The following CELF2 variants were observed in gnomAD, a reference collection of about 807,000 sequenced individuals.
CELF2 encodes the protein CUGBP Elav-like family member 2, also known as CUG triplet repeat RNA-binding protein 2.
In CELF2, 8 loss-of-function variants were observed where a neutral mutation model predicts 62.6. The observed-to-expected ratio is 0.13, with a 90% CI of 0.07 to 0.23. The LOEUF (loss-of-function observed/expected upper bound fraction) is 0.23, where lower values mean the gene tolerates loss of function less well. Among genes scored for constraint, CELF2 ranks in the 10% least tolerant of loss-of-function variants. The pLI, the probability that CELF2 is intolerant of heterozygous loss-of-function variation, is 1.00. For synonymous variants in CELF2, 258 were observed against 250.0 expected, an observed-to-expected ratio of 1.03 and a Z score of -0.30; for missense variants, 333 against 671.0, an observed-to-expected ratio of 0.50 and a Z score of 5.56.
chr10:10,614,700 C>T, the CELF2 span, among the ~76,000 whole-genome samples: 1 of 152,106 alleles, frequency 6.6e-6, no homozygotes, highest in African/African-American at 2.4e-5. Flanking sequence ...ATGTCACTGT[C>T]CTTGCCAGTT....
At chr10:10,507,667 G>A in the CELF2 span, among the ~76,000 whole-genome samples, 392 of 152,308 alleles carry the variant, frequency 2.6e-3, 2 homozygotes, top group Non-Finnish European at 4.7e-3. Context: ...GACCAGGATG[G>A]AAAGGAGAGG....
At chr10:10,748,886 G>C in the CELF2 span, among the ~76,000 whole-genome samples, 1 of 152,142 alleles carries the variant, frequency 6.6e-6, no homozygotes, top group African/African-American at 2.4e-5. Flanking sequence ...AACAGATGTG[G>C]GTGAATTGGA....
intron 1 of CELF2, among the ~76,000 whole-genome samples, chr10:10,831,359 C>T (rs578132882): frequency 3.3e-5 from 5 of 152,158 alleles, no homozygotes; most frequent in Admixed American, 1.3e-4. Flanking sequence ...ACAAGGTTTC[C>T]GAAGCCACGC....
chr10:11,218,202 G>A (rs954194178), intron 3 of CELF2, among the ~76,000 whole-genome samples: 4 of 152,176 alleles, frequency 2.6e-5, no homozygotes, highest in African/African-American at 9.7e-5. Context: ...TCCTGATGCT[G>A]TTTGAATGTT....
chr10:10,781,600 G>T, the CELF2 span, among the ~76,000 whole-genome samples: 1 of 152,202 alleles, frequency 6.6e-6, no homozygotes, highest in Non-Finnish European at 1.5e-5. Flanking sequence ...CTGCCTCCAT[G>T]ATTCAGTTAC....
At chr10:11,103,566 A>G (rs1378256917) in intron 1 of CELF2, among the ~76,000 whole-genome samples, 1 of 148,072 alleles carries the variant, frequency 6.8e-6, no homozygotes, top group African/African-American at 2.5e-5. Flanking sequence ...TCTCATATGC[A>G]AAGGGGGGAA....
At chr10:10,712,808 C>T in the CELF2 span, among the ~76,000 whole-genome samples, 2,044 of 152,320 alleles carry the variant, frequency 0.013, 41 homozygotes, top group South Asian at 0.081. Flanking sequence ...ACTTCCACCA[C>T]CACTCACCTT....
At chr10:10,979,010 A>G (rs1048116155) in intron 2 of CELF2, among the ~76,000 whole-genome samples, 4 of 152,182 alleles carry the variant, frequency 2.6e-5, no homozygotes, top group Admixed American at 2.6e-4. Context: ...AAAATCCTGA[A>G]AAGTGTTCCC....
intron 1 of CELF2, among the ~76,000 whole-genome samples, chr10:10,890,593 A>C (rs1259843083): frequency 6.6e-6 from 1 of 152,224 alleles, no homozygotes; most frequent in African/African-American, 2.4e-5. Context: ...TGAAGCACTA[A>C]GCACCTCTCT....
the CELF2 span, among the ~76,000 whole-genome samples, chr10:10,738,939 T>C: frequency 6.6e-6 from 1 of 152,180 alleles, no homozygotes; most frequent in African/African-American, 2.4e-5. Flanking sequence ...TAATGTAAGA[T>C]TGTAATAGTA....
At chr10:10,919,674 A>T (rs1001479127) in intron 1 of CELF2, among the ~76,000 whole-genome samples, 2 of 152,164 alleles carry the variant, frequency 1.3e-5, no homozygotes, top group African/African-American at 4.8e-5. Context: ...ATCCTTCTGG[A>T]TGTTGTACAT....
chr10:10,607,577 G>A, the CELF2 span, among the ~76,000 whole-genome samples: 9 of 152,316 alleles, frequency 5.9e-5, no homozygotes, highest in Middle Eastern at 3.4e-3. Flanking sequence ...GAGGGGATTA[G>A]TTACTTTTTC....
chr10:11,114,390 T>C (rs145246603), intron 1 of CELF2, among the ~76,000 whole-genome samples: 95 of 152,322 alleles, frequency 6.2e-4, no homozygotes, highest in Middle Eastern at 3.4e-3. Flanking sequence ...GCTGTAGCAG[T>C]AAATACATAA....
At chr10:10,566,478 T>A in the CELF2 span, among the ~76,000 whole-genome samples, 2 of 151,094 alleles carry the variant, frequency 1.3e-5, no homozygotes, top group Non-Finnish European at 2.9e-5. Flanking sequence ...GCAGGTTAGT[T>A]ACATATGTAT....
At chr10:10,508,682 G>A in the CELF2 span, among the ~76,000 whole-genome samples, 2 of 78,490 alleles carry the variant, frequency 2.5e-5, no homozygotes, top group African/African-American at 8.3e-5. Flanking sequence ...GTGTGTGTGT[G>A]TGTGTGTGTG....
At position 11,156,266 on chromosome 10, in the gene CELF2, A is replaced by T. The variant is rs1411663188; in HGVS notation, c.75-9220A>T. On this transcript the variant is annotated intron_variant, in intron 1 of 12. Coordinates refer to ENST00000633077, the MANE Select transcript of CELF2 (RefSeq NM_001326342.2). The surrounding 1 kb of genome is among the most constrained non-coding windows in gnomAD (Gnocchi z 4.3). ...ATTTAATAGGACGGCACTGGACGGG[A>T]TAACATGGCTCTTAATAGTGGCGAC... Among the ~76,000 whole-genome samples the T allele has an allele frequency of 1.3e-5, 2 of 152,174 alleles. No homozygotes were observed. The highest frequency in any genetic ancestry group is 3.8e-4 in the East Asian group (2 of 5,198).
chr10:10,803,111 T>C (rs905029681), intron 1 of CELF2, among the ~76,000 whole-genome samples: 3 of 152,200 alleles, frequency 2.0e-5, no homozygotes, highest in Admixed American at 1.3e-4. Flanking sequence ...CCACCTTCCA[T>C]TGATAACATC....
the CELF2 span, among the ~76,000 whole-genome samples, chr10:10,770,650 G>A: frequency 6.6e-6 from 1 of 151,916 alleles, no homozygotes; most frequent in East Asian, 1.9e-4. Context: ...CCACTGCAAT[G>A]CCACCCCACC....
chr10:10,495,707 C>A, the CELF2 span, among the ~76,000 whole-genome samples: 1 of 152,182 alleles, frequency 6.6e-6, no homozygotes, highest in African/African-American at 2.4e-5. Context: ...CTCTAAGTGA[C>A]CTTCTTGCCC....
Sources: gnomAD v4.1 joint callset for allele counts (sites outside exome capture counted in the v4.1 genomes callset) on GRCh38, gnomAD v4.1.1 for gene constraint, Gnocchi (gnomAD v3.1) non-coding constraint, MANE v1.5 for transcripts, NCBI Gene and HGNC (gene_info 2026-07-23, HGNC 2026-07-21) for gene names.